NOS1: variants seen among roughly 807,000 people sequenced by gnomAD.
The protein encoded by NOS1 is nitric oxide synthase 1.
A neutral mutation model predicts 164.5 loss-of-function variants in NOS1; 51 were observed. The observed-to-expected ratio is 0.31, with a 90% confidence interval of 0.25 to 0.39. NOS1 has a LOEUF of 0.39. Ranked by LOEUF, NOS1 falls within the 10% of genes least tolerant of loss-of-function variation. NOS1 has a pLI of 1.00. For synonymous variants in NOS1, 719 were observed against 745.8 expected, an observed-to-expected ratio of 0.96 and a Z score of 0.59; for missense variants, 1,362 against 1,885.6, an observed-to-expected ratio of 0.72 and a Z score of 5.14.
chr12:117,279,004 CTTA>C (rs1036257269), intron 8 of NOS1, among the ~76,000 whole-genome samples: 7 of 151,150 alleles, frequency 4.6e-5, no homozygotes, highest in African/African-American at 1.5e-4. Flanking sequence ...TAAAAATATA[CTTA>C]TTAATCCAGT....
intron 22 of NOS1, 40 bp downstream of exon 22, chr12:117,231,922 A>T: frequency 6.3e-7 from 1 of 1,582,540 alleles, no homozygotes; most frequent in South Asian, 1.1e-5. Context: ...CGAGGAGGTG[A>T]AATGCGCCCC....
intron 28 of NOS1, among the ~76,000 whole-genome samples, chr12:117,216,688 A>T (rs1370659106): frequency 6.6e-6 from 1 of 152,044 alleles, no homozygotes; most frequent in Non-Finnish European, 1.5e-5. Flanking sequence ...TGCGTTGCCC[A>T]GGCTGATCTT....
intron 1 of NOS1, among the ~76,000 whole-genome samples, chr12:117,360,455 G>C (rs531935469): frequency 6.6e-6 from 1 of 152,344 alleles, no homozygotes; most frequent in South Asian, 2.1e-4. Context: ...GGCGGAACGC[G>C]CCCCTCGGCC....
chr12:117,239,702 TTTC>T (rs947837358), intron 20 of NOS1, among the ~76,000 whole-genome samples: 6 of 150,356 alleles, frequency 4.0e-5, no homozygotes, highest in African/African-American at 9.9e-5. Flanking sequence ...AATTATCCTT[TTTC>T]TTCTTCTTTT....
chr12:117,227,396 G>A (rs751958802), intron 23 of NOS1, 35 bp downstream of exon 23: 1 of 1,604,146 alleles, frequency 6.2e-7, no homozygotes. Flanking sequence ...GGGGGAAAAT[G>A]CAGCTGAGGA....
At chr12:117,278,463 G>A (rs936369566) in intron 8 of NOS1, among the ~76,000 whole-genome samples, 9 of 152,214 alleles carry the variant, frequency 5.9e-5, no homozygotes, top group Admixed American at 5.2e-4. Flanking sequence ...AATTCCCAGA[G>A]GGCAAGGGCT....
Position 117,210,263 on chromosome 12 carries a change from C to T in NOS1, c.*5046G>A. 1.0e-6 allele frequency: 1 copy of T among 981,416 alleles called. No individual in the cohort carries two copies. Among genetic ancestry groups the T allele is most frequent in the Non-Finnish European group, 1.2e-6 (1 of 826,490 alleles). The allele number at this position is 981,416 out of a possible 1,614,324, so 60.8% of individuals were successfully genotyped here. A position where few individuals can be genotyped will look rare whatever the true frequency, so the allele number is the denominator to read the frequency against. ...CCCAAAGTGCTATTACAGGCATGAACCACCATGCCTGGCCTACTTTTTGAG... is the reference window on the plus strand; with the variant it reads ...CCCAAAGTGCTATTACAGGCATGAATCACCATGCCTGGCCTACTTTTTGAG... On this transcript the variant is annotated 3_prime_UTR_variant, in exon 29 of 29. Coordinates refer to ENST00000317775, the MANE Select transcript of NOS1 (RefSeq NM_000620.5).
Position 117,308,493 on chromosome 12 carries a change from G to A in NOS1, c.852+2973C>T, listed in dbSNP as rs150841738. On this transcript the variant is annotated intron_variant, in intron 3 of 28. Transcript: ENST00000317775. Reference sequence around the variant, plus strand: ...GTGCCACTGTACCTTGGCCTGGATGGTGCCACTGTACCTTGGACTGGAAGA... The same window carrying A: ...GTGCCACTGTACCTTGGCCTGGATGATGCCACTGTACCTTGGACTGGAAGA... Among the ~76,000 whole-genome samples the A allele has an allele frequency of 4.7e-4, 72 of 151,936 alleles. 1 individual carries two copies. In the East Asian group the frequency reaches 0.013, roughly 27 times the overall value.
At position 117,211,523 on chromosome 12, in the gene NOS1, A is replaced by G; in HGVS notation, c.*3786T>C. The G allele has an allele frequency of 2.0e-6, 2 of 985,070 alleles. No homozygotes were observed. Among genetic ancestry groups the G allele is most frequent in the Non-Finnish European group, 2.4e-6 (2 of 829,678 alleles). The allele number at this position is 985,070 out of a possible 1,614,324, so 61.0% of individuals were successfully genotyped here. On this transcript the variant is annotated 3_prime_UTR_variant, in exon 29 of 29. Coordinates refer to ENST00000317775, the MANE Select transcript of NOS1 (RefSeq NM_000620.5). ...GGGACTCCCTGTTGCCTTCTGAATA[A>G]AGCCTAAATTTCTTGTAATGCCACT...
At chr12:117,293,795 A>G (rs2136030576) in intron 3 of NOS1, among the ~76,000 whole-genome samples, 1 of 152,256 alleles carries the variant, frequency 6.6e-6, no homozygotes, top group East Asian at 1.9e-4. Context: ...CACTGGGAGC[A>G]TGATAAAGGT....
chr12:117,356,444 T>C lies in NOS1; in HGVS notation c.-421+5068A>G, dbSNP rs762887950. Among the ~76,000 whole-genome samples the C allele has an allele frequency of 3.9e-5, 6 of 152,102 alleles. No homozygotes were observed. The highest frequency in any genetic ancestry group is 8.8e-5 in the Non-Finnish European group (6 of 68,024). On this transcript the variant is annotated intron_variant, in intron 1 of 28. Coordinates refer to ENST00000317775, the MANE Select transcript of NOS1 (RefSeq NM_000620.5). This position sits in a 1 kb window ranked among gnomAD's most constrained non-coding sequence, Gnocchi z 4.2. ...GATTCCTTCAACCACCTGTCCTGGGTCCTACCACAGCACCTCACCTCCACC... is the reference window on the plus strand; with the variant it reads ...GATTCCTTCAACCACCTGTCCTGGGCCCTACCACAGCACCTCACCTCCACC...
intron 2 of NOS1, among the ~76,000 whole-genome samples, chr12:117,325,528 T>A (rs1335891292): frequency 1.3e-5 from 2 of 151,730 alleles, no homozygotes; most frequent in East Asian, 3.9e-4. Flanking sequence ...AGGAAGAGAG[T>A]CTTGCATGCC....
Position 117,211,951 on chromosome 12 carries a change from G to T in NOS1, c.*3358C>A, listed in dbSNP as rs1956534385. ...GTGGTGGTAGGCGCCTGTAGTCCCA[G>T]TTACTCAGGAGGCCGAGGCAGAAGA... On this transcript the variant is annotated 3_prime_UTR_variant, in exon 29 of 29. Transcript: ENST00000317775. 1 of 632,908 alleles carries T rather than the reference G, an allele frequency of 1.6e-6. No homozygotes were observed. Among genetic ancestry groups the T allele is most frequent in the Non-Finnish European group, 2.0e-6 (1 of 508,196 alleles). The allele number at this position is 632,908 out of a possible 1,614,324, so 39.2% of individuals were successfully genotyped here.
intron 1 of NOS1, among the ~76,000 whole-genome samples, chr12:117,352,789 G>A (rs1876684784): frequency 6.6e-6 from 1 of 152,132 alleles, no homozygotes; most frequent in Non-Finnish European, 1.5e-5. Flanking sequence ...TGGGAGGTGA[G>A]GGGATAGAAA....
chr12:117,350,982 C>T (rs1383799798), intron 1 of NOS1, among the ~76,000 whole-genome samples: 1 of 152,126 alleles, frequency 6.6e-6, no homozygotes, highest in Non-Finnish European at 1.5e-5. Flanking sequence ...GGCCTGTTGG[C>T]GGGCGCCTGT....
rs1956555947 is a variant in NOS1, at chr12:117,213,326, G to A, written c.*1983C>T. ...GAGCTGGAAATGGGTTTGCAGGAAA[G>A]GAGTTTAGAATGGGCTTCCCTTCAG... On this transcript the variant is annotated 3_prime_UTR_variant, in exon 29 of 29. Transcript: ENST00000317775. 2 of 985,422 alleles carry A rather than the reference G, an allele frequency of 2.0e-6. No homozygotes were observed. Among genetic ancestry groups the A allele is most frequent in the African/African-American group, 3.5e-5 (2 of 57,250 alleles). The allele number at this position is 985,422 out of a possible 1,614,324, so 61.0% of individuals were successfully genotyped here.
In NOS1 at chr12:117,304,013, A is replaced by G. The variant is rs564851424; in HGVS notation, c.852+7453T>C. 2.6e-5 allele frequency among the ~76,000 whole-genome samples: 4 copies of G among 152,296 alleles called. No homozygotes were observed. The South Asian group carries it at 8.3e-4, about 32-fold the overall frequency. The stretch of plus-strand genomic sequence containing the variant: ...CAGTGAAACCCCGTCTCTGCCAAAA[A>G]TACAAAAAATTAGCCGGGCGTGGCG... On this transcript the variant is annotated intron_variant, in intron 3 of 28. Coordinates refer to ENST00000317775, the MANE Select transcript of NOS1 (RefSeq NM_000620.5).
chr12:117,225,792 CT>C (rs929278388), intron 24 of NOS1, among the ~76,000 whole-genome samples: 1 of 151,434 alleles, frequency 6.6e-6, no homozygotes, highest in Non-Finnish European at 1.5e-5. Flanking sequence ...CCCTCGGCTA[CT>C]TTTTTTTTGT....
chr12:117,221,948 C>T (rs9658525), intron 26 of NOS1, among the ~76,000 whole-genome samples: 28,823 of 151,292 alleles, frequency 0.19, 3,826 homozygotes, highest in African/African-American at 0.34. Flanking sequence ...GCGTGAGTCA[C>T]GGTGCCTGGC....
Sources: gnomAD v4.1 joint callset for allele counts (sites outside exome capture counted in the v4.1 genomes callset) on GRCh38, gnomAD v4.1.1 for gene constraint, Gnocchi (gnomAD v3.1) non-coding constraint, MANE v1.5 for transcripts, NCBI Gene and HGNC (gene_info 2026-07-23, HGNC 2026-07-21) for gene names.